The following RRM2B variants were observed in gnomAD, a reference collection of about 807,000 sequenced individuals.
RRM2B encodes ribonucleotide reductase regulatory TP53 inducible subunit M2B.
In RRM2B, 20 loss-of-function variants were observed where a neutral mutation model predicts 45.9. The observed-to-expected ratio is 0.44, with a 90% CI of 0.31 to 0.63. The LOEUF is 0.63. Among genes scored for constraint, RRM2B ranks in the 30% least tolerant of loss-of-function variants. The pLI, the probability that RRM2B is intolerant of heterozygous loss-of-function variation, is 0.09. For missense variants in RRM2B, 320 were observed against 414.7 expected (o/e 0.77, Z 1.98); for synonymous variants, 124 against 132.3 (o/e 0.94, Z 0.43).
At chr8:102,218,140 A>G (rs116904975) in intron 6 of RRM2B, among the ~76,000 whole-genome samples, 1 of 152,344 alleles carries the variant, frequency 6.6e-6, no homozygotes, top group Non-Finnish European at 1.5e-5. Flanking sequence ...TTTGGCACTT[A>G]GGAAAGAATA....
chr8:102,224,251 G>C (rs986336454), intron 4 of RRM2B, 111 bp from the exon 5 acceptor site: 2 of 708,530 alleles, frequency 2.8e-6, no homozygotes, highest in African/African-American at 3.6e-5. Flanking sequence ...GCACGATCTC[G>C]GCTCACTGCA....
At chr8:102,217,360 T>C (rs1340323559) in intron 6 of RRM2B, among the ~76,000 whole-genome samples, 1 of 152,172 alleles carries the variant, frequency 6.6e-6, no homozygotes, top group Non-Finnish European at 1.5e-5. Flanking sequence ...TAATTTTTTA[T>C]TCTCTCAATT....
chr8:102,238,960 C>G lies in RRM2B; in HGVS notation c.-86G>C. On this transcript the variant is annotated 5_prime_UTR_variant, in exon 1 of 9. Coordinates refer to ENST00000251810, the MANE Select transcript of RRM2B (RefSeq NM_015713.5). Reference sequence around the variant, plus strand: ...ACTACGACAGCACCCAGGTGGTCCGCTGGTCCGCTGGGTCCGCCCCGCCCC... The same window carrying G: ...ACTACGACAGCACCCAGGTGGTCCGGTGGTCCGCTGGGTCCGCCCCGCCCC... 14 of 1,434,254 alleles carry G rather than the reference C, an allele frequency of 9.8e-6. No homozygotes were observed. Among genetic ancestry groups the G allele is most frequent in the South Asian group, 2.3e-5 (2 of 86,280 alleles). The allele number at this position is 1,434,254 out of a possible 1,614,324, so 88.8% of individuals were successfully genotyped here. A position where few individuals can be genotyped will look rare whatever the true frequency, so the allele number is the denominator to read the frequency against.
At position 102,238,894 on chromosome 8, in the gene RRM2B, C is replaced by T; in HGVS notation, c.-20G>A. The T allele has an allele frequency of 6.2e-7, 1 of 1,609,072 alleles. No homozygotes were observed. Among genetic ancestry groups the T allele is most frequent in the Non-Finnish European group, 8.5e-7 (1 of 1,179,802 alleles). ...GCCCATCGCGCAGACTCCGCCGAAG[C>T]TACGGGCGCTGAGGGAACTGAGCTC... On this transcript the variant is annotated 5_prime_UTR_variant, in exon 1 of 9. Coordinates refer to ENST00000251810, the MANE Select transcript of RRM2B (RefSeq NM_015713.5).
chr8:102,221,429 A>G (rs1239611335), intron 5 of RRM2B, among the ~76,000 whole-genome samples: 3 of 152,172 alleles, frequency 2.0e-5, no homozygotes, highest in Non-Finnish European at 4.4e-5. Flanking sequence ...AGGTAGCCAA[A>G]TCAGTTCATG....
At chr8:102,216,071 GGTTT>G (rs1180935453) in intron 6 of RRM2B, among the ~76,000 whole-genome samples, 3 of 151,424 alleles carry the variant, frequency 2.0e-5, no homozygotes, top group Admixed American at 6.6e-5. Flanking sequence ...TAATTAAAAT[GGTTT>G]GTTATAGAAT....
intron 8 of RRM2B, among the ~76,000 whole-genome samples, chr8:102,208,844 C>T (rs1052122867): frequency 6.6e-5 from 10 of 152,248 alleles, no homozygotes; most frequent in African/African-American, 2.4e-4. Flanking sequence ...AGCTTTTTTA[C>T]TGCTTCAGAA....
chr8:102,230,175 G>A (rs1344424812), intron 2 of RRM2B, among the ~76,000 whole-genome samples: 3 of 152,166 alleles, frequency 2.0e-5, no homozygotes, highest in African/African-American at 7.2e-5. Context: ...CTGTTGATCA[G>A]CCATATTTAA....
At chr8:102,238,710 G>A (rs1271071324) in intron 1 of RRM2B, 117 bp downstream of exon 1, 4 of 1,572,490 alleles carry the variant, frequency 2.5e-6, no homozygotes, top group African/African-American at 1.3e-5. Flanking sequence ...GGCGAGGGCG[G>A]GCGGACAGGC....
At chr8:102,220,605 A>AT (rs1390601082) in intron 5 of RRM2B, among the ~76,000 whole-genome samples, 2 of 151,956 alleles carry the variant, frequency 1.3e-5, no homozygotes, top group African/African-American at 2.4e-5. Context: ...TGCCTGGCTA[A>AT]TTTTTTTATT....
intron 6 of RRM2B, among the ~76,000 whole-genome samples, chr8:102,218,118 A>G (rs1455741592): frequency 6.6e-6 from 1 of 152,244 alleles, no homozygotes. Context: ...AACATGCACT[A>G]GCATACATGG....
At chr8:102,213,778 C>T (rs1165387548) in intron 7 of RRM2B, among the ~76,000 whole-genome samples, 1 of 151,860 alleles carries the variant, frequency 6.6e-6, no homozygotes, top group African/African-American at 2.4e-5. Flanking sequence ...CTGATCATGG[C>T]ATAAAATTTG....
chr8:102,224,325 G>A (rs183523671), intron 4 of RRM2B, among the ~76,000 whole-genome samples, 185 bp from the exon 5 acceptor site: 27 of 152,190 alleles, frequency 1.8e-4, no homozygotes, highest in African/African-American at 6.5e-4. Flanking sequence ...AGGACGACAG[G>A]TGCCCGCCAC....
At chr8:102,218,644 G>C (rs1427589851) in intron 6 of RRM2B, among the ~76,000 whole-genome samples, 170 bp downstream of exon 6, 1 of 150,944 alleles carries the variant, frequency 6.6e-6, no homozygotes, top group Non-Finnish European at 1.5e-5. Flanking sequence ...AGGAATGCTT[G>C]AGCCCAGGGA....
chr8:102,232,071 A>G (rs1312889445), intron 2 of RRM2B, 78 bp downstream of exon 2: 1 of 1,280,664 alleles, frequency 7.8e-7, no homozygotes, highest in East Asian at 2.3e-5. Flanking sequence ...TATAAGTTAA[A>G]GTTATTCAAT....
Position 102,224,569 on chromosome 8 carries a change from C to T in RRM2B, c.455+316G>A, listed in dbSNP as rs753917323. Among the ~76,000 whole-genome samples the T allele has an allele frequency of 2.0e-5, 3 of 152,292 alleles. No homozygotes were observed. In the South Asian group the frequency reaches 6.2e-4, roughly 32 times the overall value. ...GATCTGTAGTTTTTATACATTTTTA[C>T]ATGTCCATAGAACAGAAATAAAACT... On this transcript the variant is annotated intron_variant, in intron 4 of 8. Coordinates refer to ENST00000251810, the MANE Select transcript of RRM2B (RefSeq NM_015713.5).
intron 6 of RRM2B, 108 bp from the exon 7 acceptor site, chr8:102,214,266 T>G: frequency 1.3e-6 from 1 of 767,146 alleles, no homozygotes; most frequent in Non-Finnish European, 2.3e-6. Context: ...AACACAGAAC[T>G]TCTGGAAAAT....
At chr8:102,224,330 C>T (rs780837429) in intron 4 of RRM2B, among the ~76,000 whole-genome samples, 190 bp from the exon 5 acceptor site, 3 of 152,044 alleles carry the variant, frequency 2.0e-5, no homozygotes, top group African/African-American at 4.8e-5. Context: ...GACAGGTGCC[C>T]GCCACCACGC....
At chr8:102,226,284 C>CA (rs1810930256) in intron 2 of RRM2B, among the ~76,000 whole-genome samples, 1 of 149,192 alleles carries the variant, frequency 6.7e-6, no homozygotes, top group South Asian at 2.1e-4. Context: ...CTATGTGAGG[C>CA]AAAGGAAATA....
Sources: gnomAD v4.1 joint callset for allele counts (sites outside exome capture counted in the v4.1 genomes callset) on GRCh38, gnomAD v4.1.1 for gene constraint, MANE v1.5 for transcripts, NCBI Gene and HGNC (gene_info 2026-07-23, HGNC 2026-07-21) for gene names.